The following ATRNL1 variants were observed in gnomAD, a reference collection of about 807,000 sequenced individuals.
ATRNL1 encodes the protein attractin-like protein 1.
A neutral mutation model predicts 182.7 loss-of-function variants in ATRNL1; 95 were observed. The observed-to-expected ratio is 0.52, with a 90% CI of 0.44 to 0.62. The LOEUF (loss-of-function observed/expected upper bound fraction) is 0.62, where lower values mean the gene tolerates loss of function less well. ATRNL1 is among the 20% of genes least tolerant of loss of function. The pLI is 0.00. For synonymous variants in ATRNL1, 576 were observed against 568.3 expected (o/e 1.01, Z -0.19); for missense variants, 1,471 against 1,679.5 (o/e 0.88, Z 2.17).
chr10:115,128,813 C>T (rs1386513483), intron 4 of ATRNL1, among the ~76,000 whole-genome samples: 1 of 131,926 alleles, frequency 7.6e-6, no homozygotes, highest in Non-Finnish European at 1.6e-5. Context: ...GGCGACAGAG[C>T]GAGACTGTGT....
At chr10:115,901,968 A>G (rs1952367559) in intron 28 of ATRNL1, among the ~76,000 whole-genome samples, 1 of 152,164 alleles carries the variant, frequency 6.6e-6, no homozygotes, top group Admixed American at 6.5e-5. Flanking sequence ...AGCACCTTAT[A>G]GGGCGCAAAA....
Position 115,667,261 on chromosome 10 carries a change from C to T in ATRNL1, c.3796-59987C>T, listed in dbSNP as rs536311773. On this transcript the variant is annotated intron_variant, in intron 26 of 28. Transcript: ENST00000355044. ...AAGGTCTCAAAGGCTGACTGCACTGCACAACCCAAGGTATATCAGTTATCT... is the reference window on the plus strand; with the variant it reads ...AAGGTCTCAAAGGCTGACTGCACTGTACAACCCAAGGTATATCAGTTATCT... Among the ~76,000 whole-genome samples, 25 of 152,266 alleles carry T rather than the reference C, an allele frequency of 1.6e-4. No homozygotes were observed. The South Asian group carries it at 4.6e-3, about 28-fold the overall frequency.
chr10:115,772,810 C>CT, intron 27 of ATRNL1, among the ~76,000 whole-genome samples: 1 of 152,228 alleles, frequency 6.6e-6, no homozygotes, highest in Admixed American at 6.5e-5. Context: ...ATCTTGCTTG[C>CT]TTTGACTGAC....
intron 27 of ATRNL1, among the ~76,000 whole-genome samples, chr10:115,806,389 G>A (rs1949920817): frequency 6.6e-6 from 1 of 152,110 alleles, no homozygotes. Flanking sequence ...ACTATAGGAT[G>A]TGAGGCAGTT....
chr10:115,766,457 C>T (rs2907589), intron 27 of ATRNL1, among the ~76,000 whole-genome samples: 144,685 of 152,238 alleles, frequency 0.95, 69,162 homozygotes, highest in East Asian at 1. Context: ...CTTTGACTCT[C>T]ACTGACAATT....
chr10:115,324,678 C>T (rs1854777615), intron 18 of ATRNL1, among the ~76,000 whole-genome samples: 1 of 152,068 alleles, frequency 6.6e-6, no homozygotes, highest in African/African-American at 2.4e-5. Context: ...TTCTTTTCTG[C>T]TTTTTGTAGA....
At chr10:115,927,389 T>C (rs1555120585) in intron 28 of ATRNL1, among the ~76,000 whole-genome samples, 1 of 152,148 alleles carries the variant, frequency 6.6e-6, no homozygotes, top group African/African-American at 2.4e-5. Flanking sequence ...GTTTGAACAT[T>C]TGCTAAGAAT....
intron 22 of ATRNL1, among the ~76,000 whole-genome samples, chr10:115,463,284 T>G (rs1221482111): frequency 6.6e-6 from 1 of 152,036 alleles, no homozygotes; most frequent in Non-Finnish European, 1.5e-5. Flanking sequence ...CATTTTATGT[T>G]ACTCTTTATT....
intron 28 of ATRNL1, among the ~76,000 whole-genome samples, chr10:115,890,838 A>G (rs1952062675): frequency 6.6e-6 from 1 of 152,170 alleles, no homozygotes; most frequent in Admixed American, 6.5e-5. Flanking sequence ...CTTCTGTGCC[A>G]AATTAGTGTT....
chr10:115,588,769 C>T (rs1555011178), intron 26 of ATRNL1, among the ~76,000 whole-genome samples: 1 of 152,094 alleles, frequency 6.6e-6, no homozygotes, highest in African/African-American at 2.4e-5. Context: ...CTGGTTTTCT[C>T]CAAGAGGGAT....
chr10:115,600,030 T>A (rs1439799684), intron 26 of ATRNL1, among the ~76,000 whole-genome samples: 1 of 152,110 alleles, frequency 6.6e-6, no homozygotes, highest in Non-Finnish European at 1.5e-5. Context: ...TTTCTATCAC[T>A]AAGGATTTTA....
chr10:115,675,020 G>C (rs1387018144), intron 26 of ATRNL1, among the ~76,000 whole-genome samples: 2 of 151,876 alleles, frequency 1.3e-5, no homozygotes, highest in African/African-American at 4.8e-5. Context: ...CTAGACTGTG[G>C]GTTCCTTGAA....
At chr10:115,776,043 T>TAAC (rs1210989530) in intron 27 of ATRNL1, among the ~76,000 whole-genome samples, 6 of 151,902 alleles carry the variant, frequency 3.9e-5, no homozygotes, top group African/African-American at 1.5e-4. Flanking sequence ...ATACAAGAGG[T>TAAC]AACACTGTTA....
intron 26 of ATRNL1, among the ~76,000 whole-genome samples, chr10:115,631,146 T>A (rs79967240): frequency 0.019 from 2,898 of 152,146 alleles, 105 homozygotes; most frequent in African/African-American, 0.067. Context: ...TCTAGAGATC[T>A]AATGTGCAGC....
intron 5 of ATRNL1, among the ~76,000 whole-genome samples, chr10:115,145,324 T>A (rs11197082): frequency 0.025 from 3,768 of 152,236 alleles, 155 homozygotes; most frequent in African/African-American, 0.085. Context: ...TGTAAAACTT[T>A]GTTTTAAGCC....
intron 26 of ATRNL1, among the ~76,000 whole-genome samples, chr10:115,679,527 T>A (rs75472597): frequency 2.0e-5 from 3 of 152,030 alleles, no homozygotes; most frequent in Non-Finnish European, 4.4e-5. Flanking sequence ...GAGAGCTACA[T>A]TGGGACTATC....
At chr10:115,847,062 A>G (rs1202018045) in intron 27 of ATRNL1, among the ~76,000 whole-genome samples, 2 of 152,074 alleles carry the variant, frequency 1.3e-5, no homozygotes, top group Non-Finnish European at 2.9e-5. Flanking sequence ...AAAGTTATCT[A>G]TACAAGTGCA....
chr10:115,249,542 G>A (rs147569519), intron 10 of ATRNL1, among the ~76,000 whole-genome samples: 4 of 151,956 alleles, frequency 2.6e-5, no homozygotes, highest in East Asian at 1.9e-4. Flanking sequence ...GTATAGTACC[G>A]TTTGCTCAAA....
chr10:115,248,510 CTATAAA>C (rs1214277541), intron 10 of ATRNL1, among the ~76,000 whole-genome samples: 3 of 152,038 alleles, frequency 2.0e-5, no homozygotes, highest in Non-Finnish European at 4.4e-5. Context: ...ATCTGGGAAT[CTATAAA>C]TATAATTTAT....
Sources: allele counts gnomAD v4.1 joint callset (sites outside exome capture counted in the v4.1 genomes callset), GRCh38; gene constraint gnomAD v4.1.1; transcripts MANE v1.5; gene names NCBI Gene and HGNC (gene_info 2026-07-23, HGNC 2026-07-21).